Variants in DGKB observed in about 807,000 individuals in gnomAD.
DGKB encodes the protein 90 kDa diacylglycerol kinase.
DGKB carries 67 observed loss-of-function variants against 114.3 expected under a neutral mutation model. The ratio of observed to expected loss-of-function variants is 0.59; its 90% CI spans 0.48 to 0.72. The LOEUF is 0.72. DGKB is among the 30% of genes least tolerant of loss of function. The probability of loss-of-function intolerance (pLI) is 0.00; values close to 1 mark genes in which losing one functional copy is unlikely to be tolerated. For missense variants in DGKB, 907 were observed against 975.2 expected, an observed-to-expected ratio of 0.93 and a Z score of 0.93; for synonymous variants, 398 against 323.1, an observed-to-expected ratio of 1.23 and a Z score of -2.49.
intron 21 of DGKB, among the ~76,000 whole-genome samples, chr7:14,393,517 A>G (rs78419353): frequency 0.028 from 4,301 of 152,254 alleles, 220 homozygotes; most frequent in African/African-American, 0.098. Flanking sequence ...CTACATAAAT[A>G]TCTTTAATTT....
At chr7:14,264,357 T>C (rs1327330835) in intron 23 of DGKB, among the ~76,000 whole-genome samples, 2 of 152,118 alleles carry the variant, frequency 1.3e-5, no homozygotes, top group African/African-American at 2.4e-5. Context: ...AAATAGGCCC[T>C]AAAGACAAAT....
chr7:14,891,677 A>G (rs1014979456), intron 1 of DGKB, among the ~76,000 whole-genome samples: 1 of 151,588 alleles, frequency 6.6e-6, no homozygotes, highest in East Asian at 1.9e-4. Flanking sequence ...TTTTTAAATT[A>G]AAATCCAAAT....
chr7:14,538,445 A>T (rs1354955998), intron 20 of DGKB, among the ~76,000 whole-genome samples: 1 of 152,196 alleles, frequency 6.6e-6, no homozygotes, highest in Non-Finnish European at 1.5e-5. Context: ...ATATCGCCTT[A>T]TTCCTGTCAG....
upstream of DGKB, among the ~76,000 whole-genome samples, chr7:14,906,663 G>A (rs542318097): frequency 5.5e-4 from 83 of 152,104 alleles, 1 homozygote; most frequent in Admixed American, 1.8e-3. Flanking sequence ...ATGTTGGTCA[G>A]GCTGGTCTCG....
At chr7:14,507,194 T>C (rs1787224344) in intron 20 of DGKB, among the ~76,000 whole-genome samples, 1 of 152,206 alleles carries the variant, frequency 6.6e-6, no homozygotes, top group Non-Finnish European at 1.5e-5. Context: ...AACAACTATA[T>C]ATTATTATAA....
intron 21 of DGKB, among the ~76,000 whole-genome samples, chr7:14,401,803 C>A (rs2128727113): frequency 6.6e-6 from 1 of 151,836 alleles, no homozygotes; most frequent in East Asian, 1.9e-4. Flanking sequence ...AAAGACCACT[C>A]AATGGCAGTC....
intron 1 of DGKB, among the ~76,000 whole-genome samples, chr7:14,961,468 G>A (rs1259963706): frequency 1.3e-5 from 2 of 152,104 alleles, no homozygotes; most frequent in East Asian, 1.9e-4. Flanking sequence ...TTAGCCTCAT[G>A]TGGCTGACAT....
At chr7:14,363,527 A>T (rs979764926) in intron 21 of DGKB, among the ~76,000 whole-genome samples, 2 of 152,090 alleles carry the variant, frequency 1.3e-5, no homozygotes, top group Admixed American at 1.3e-4. Flanking sequence ...AGCAGCAGAT[A>T]CCAGAAACCA....
intron 17 of DGKB, among the ~76,000 whole-genome samples, chr7:14,584,872 C>CTGG (rs1187996540): frequency 6.6e-6 from 1 of 151,988 alleles, no homozygotes; most frequent in Admixed American, 6.6e-5. Context: ...GTTGGCCAGG[C>CTGG]TGGTCTCATA....
intron 25 of DGKB, among the ~76,000 whole-genome samples, chr7:14,154,906 T>C (rs2128217792): frequency 6.6e-6 from 1 of 152,078 alleles, no homozygotes; most frequent in African/African-American, 2.4e-5. Flanking sequence ...CTAAATACTT[T>C]TTAAAAATCC....
intron 23 of DGKB, among the ~76,000 whole-genome samples, chr7:14,211,273 T>G: frequency 7.9e-6 from 1 of 127,140 alleles, no homozygotes; most frequent in Admixed American, 7.7e-5. Context: ...TGAAGTCTCT[T>G]TCCTTAGCCT....
intron 20 of DGKB, among the ~76,000 whole-genome samples, chr7:14,511,446 C>G (rs781217631): frequency 3.9e-5 from 6 of 152,154 alleles, no homozygotes; most frequent in Non-Finnish European, 8.8e-5. Context: ...CCTCTCTTAG[C>G]CTTCATAGAA....
At chr7:14,806,893 A>G (rs1842852982) in intron 2 of DGKB, among the ~76,000 whole-genome samples, 1 of 152,028 alleles carries the variant, frequency 6.6e-6, no homozygotes, top group South Asian at 2.1e-4. Context: ...TGTTGTAGGG[A>G]TAAGCAAGTG....
chr7:14,866,343 GTTC>G (rs1851712795), intron 1 of DGKB, among the ~76,000 whole-genome samples: 2 of 152,044 alleles, frequency 1.3e-5, no homozygotes. Flanking sequence ...ATAATGACAT[GTTC>G]TTCATTTTAT....
intron 21 of DGKB, among the ~76,000 whole-genome samples, chr7:14,418,754 T>C (rs1826192718): frequency 6.6e-6 from 1 of 151,938 alleles, no homozygotes; most frequent in South Asian, 2.1e-4. Context: ...TTGTTACCCT[T>C]AAGCTTGTTG....
At chr7:14,478,420 T>A (rs1282395590) in intron 20 of DGKB, among the ~76,000 whole-genome samples, 195 bp from the exon 21 acceptor site, 1 of 152,138 alleles carries the variant, frequency 6.6e-6, no homozygotes, top group African/African-American at 2.4e-5. Flanking sequence ...TATGCAGAAG[T>A]GATTTACGTA....
intron 2 of DGKB, among the ~76,000 whole-genome samples, chr7:14,786,627 A>T (rs1839937870): frequency 6.6e-6 from 1 of 152,214 alleles, no homozygotes; most frequent in Non-Finnish European, 1.5e-5. Flanking sequence ...ACCTGCTCTC[A>T]CTGCCTGGCT....
intron 20 of DGKB, among the ~76,000 whole-genome samples, chr7:14,538,442 C>T (rs80012142): frequency 3.5e-3 from 531 of 152,234 alleles, no homozygotes; most frequent in Non-Finnish European, 6.3e-3. Flanking sequence ...GAGATATCGC[C>T]TTATTCCTGT....
upstream of DGKB, among the ~76,000 whole-genome samples, chr7:14,906,213 CT>C (rs1473891047): frequency 6.6e-6 from 1 of 151,110 alleles, no homozygotes; most frequent in African/African-American, 2.4e-5. Flanking sequence ...GGACTAGAGC[CT>C]TAAAAAAAAA....
Sources: gnomAD v4.1 joint callset for allele counts (sites outside exome capture counted in the v4.1 genomes callset) on GRCh38, gnomAD v4.1.1 for gene constraint, MANE v1.5 for transcripts, NCBI Gene and HGNC (gene_info 2026-07-23, HGNC 2026-07-21) for gene names.